LPXN: variants seen among roughly 807,000 people sequenced by gnomAD.
LPXN encodes leupaxin.
LPXN carries 28 observed loss-of-function variants against 45.6 expected under a neutral mutation model. The ratio of observed to expected loss-of-function variants is 0.61; its 90% CI spans 0.45 to 0.84. LPXN has a LOEUF of 0.84. Ranked by LOEUF, LPXN falls within the 40% of genes least tolerant of loss-of-function variation. The probability of loss-of-function intolerance (pLI) is 0.00; values close to 1 mark genes in which losing one functional copy is unlikely to be tolerated. For synonymous variants in LPXN, 166 were observed against 169.9 expected (o/e 0.98, Z 0.18); for missense variants, 459 against 475.0 (o/e 0.97, Z 0.31).
intron 8 of LPXN, 150 bp downstream of exon 8, chr11:58,527,893 C>T (rs539806155): frequency 6.2e-6 from 7 of 1,133,670 alleles, no homozygotes; most frequent in Non-Finnish European, 8.8e-6. Flanking sequence ...AACAGACAAG[C>T]AAATGGATCT....
intron 2 of LPXN, among the ~76,000 whole-genome samples, chr11:58,566,755 T>A (rs1448371526): frequency 6.6e-6 from 1 of 152,230 alleles, no homozygotes; most frequent in Non-Finnish European, 1.5e-5. Flanking sequence ...AAAAGCTGAA[T>A]TTTCATGCTA....
intron 7 of LPXN, among the ~76,000 whole-genome samples, chr11:58,545,098 C>G (rs969179284): frequency 2.0e-5 from 3 of 152,130 alleles, no homozygotes; most frequent in Non-Finnish European, 4.4e-5. Context: ...AAGGAAAATA[C>G]AACCCAAGTG....
At chr11:58,577,883 A>G (rs1439754012), upstream of LPXN, 2 of 1,045,942 alleles carry the variant, frequency 1.9e-6, no homozygotes, top group Non-Finnish European at 2.7e-6. Context: ...AAGCAACTTT[A>G]TAATTCGTTT....
chr11:58,559,822 G>A (rs750758620), intron 3 of LPXN, among the ~76,000 whole-genome samples: 5 of 152,146 alleles, frequency 3.3e-5, no homozygotes, highest in African/African-American at 4.8e-5. Context: ...GCTGCAGTGA[G>A]CCAAGATAAC....
chr11:58,539,112 G>A (rs1436514490), intron 7 of LPXN, among the ~76,000 whole-genome samples: 6 of 152,208 alleles, frequency 3.9e-5, no homozygotes, highest in East Asian at 3.9e-4. Flanking sequence ...TTCGAGACAA[G>A]CCCTGGGCAA....
chr11:58,543,755 T>C (rs945856040), intron 7 of LPXN, among the ~76,000 whole-genome samples: 6 of 152,162 alleles, frequency 3.9e-5, no homozygotes, highest in Non-Finnish European at 8.8e-5. Context: ...TGAGCACAAA[T>C]AGCCCAATAA....
At chr11:58,576,949 T>A (rs1391450587), upstream of LPXN, among the ~76,000 whole-genome samples, 2 of 152,116 alleles carry the variant, frequency 1.3e-5, no homozygotes, top group African/African-American at 4.8e-5. Context: ...CAGGTTAGCT[T>A]AAAAGCTTTA....
intron 1 of LPXN, among the ~76,000 whole-genome samples, chr11:58,572,561 A>C (rs1370167001): frequency 6.6e-6 from 1 of 152,182 alleles, no homozygotes; most frequent in Non-Finnish European, 1.5e-5. Flanking sequence ...CTGGATATTA[A>C]ATAATATCAA....
intron 7 of LPXN, among the ~76,000 whole-genome samples, chr11:58,533,891 A>C (rs1292894670): frequency 6.6e-6 from 1 of 152,252 alleles, no homozygotes; most frequent in African/African-American, 2.4e-5. Context: ...CTGATAAAAA[A>C]GACTTTAAAC....
At chr11:58,578,276 T>G (rs59856964), upstream of LPXN, 3,032 of 467,724 alleles carry the variant, frequency 6.5e-3, 84 homozygotes, top group African/African-American at 0.054. Context: ...AAAGGTAAAC[T>G]CTAGACTGCG....
At chr11:58,528,347 G>C (rs1038445900) in intron 7 of LPXN, among the ~76,000 whole-genome samples, 156 bp from the exon 8 acceptor site, 2 of 152,206 alleles carry the variant, frequency 1.3e-5, no homozygotes, top group Non-Finnish European at 2.9e-5. Flanking sequence ...AAATAAATGA[G>C]ATAATGCAGA....
rs539627310 is a variant in LPXN, at chr11:58,559,349, C to T, written c.219-4409G>A. Among the ~76,000 whole-genome samples the T allele has an allele frequency of 7.9e-5, 12 of 152,058 alleles. 1 individual carries two copies. In the South Asian group the frequency reaches 2.3e-3, roughly 29 times the overall value. The stretch of plus-strand genomic sequence containing the variant: ...GCAATTTTGCTACTAAGAATCTATC[C>T]TACAGAAAAATTGGACATATATATA... On this transcript the variant is annotated intron_variant, in intron 3 of 8. Coordinates refer to ENST00000395074, the MANE Select transcript of LPXN (RefSeq NM_004811.3).
intron 5 of LPXN, 140 bp from the exon 6 acceptor site, chr11:58,550,286 G>T: frequency 1.3e-6 from 1 of 791,552 alleles, no homozygotes; most frequent in Non-Finnish European, 2.1e-6. Flanking sequence ...CTGAGGCCTA[G>T]ACCTAGGTTC....
At position 58,551,109 on chromosome 11, in the gene LPXN, G is replaced by T. The variant is rs12271558; in HGVS notation, c.442C>A (p.Pro148Thr). ...ELQDLGIATVPKGHCASCQKP... is the reference protein window; with the variant it reads ...ELQDLGIATVTKGHCASCQKP... ...TGGCAGGATGCACAATGGCCCTTGG[G>T]CACTGTGGCAATGCCAAGGTCCTGC... Residue 148 changes from proline (P) to threonine (T), a missense_variant, in exon 5 of 9, where the codon CCC becomes ACC. Physicochemically the swap from Pro to Thr is conservative, Grantham distance 38 (BLOSUM62 -1). Coordinates refer to ENST00000395074, the MANE Select transcript of LPXN (RefSeq NM_004811.3). The T allele has an allele frequency of 2.0e-3, 3,209 of 1,605,994 alleles. 70 individuals are homozygous for T. The African/African-American group carries it at 0.039, about 19-fold the overall frequency.
At chr11:58,565,890 C>T (rs1854513937) in intron 2 of LPXN, among the ~76,000 whole-genome samples, 3 of 151,568 alleles carry the variant, frequency 2.0e-5, no homozygotes, top group Non-Finnish European at 2.9e-5. Flanking sequence ...CCCAGCTACT[C>T]GGGAGGCTGA....
intron 3 of LPXN, among the ~76,000 whole-genome samples, chr11:58,561,386 T>G (rs1157720964): frequency 6.6e-6 from 1 of 152,080 alleles, no homozygotes; most frequent in East Asian, 1.9e-4. Flanking sequence ...AAGAGGAAAA[T>G]GGATATCTCT....
upstream of LPXN, among the ~76,000 whole-genome samples, chr11:58,577,326 C>T (rs1248435380): frequency 6.6e-6 from 1 of 152,006 alleles, no homozygotes; most frequent in African/African-American, 2.4e-5. Context: ...GGAAAATACT[C>T]AGTAGAGAAT....
intron 7 of LPXN, among the ~76,000 whole-genome samples, chr11:58,536,857 A>T (rs1350234593): frequency 6.6e-6 from 1 of 152,176 alleles, no homozygotes; most frequent in African/African-American, 2.4e-5. Flanking sequence ...GGATATGAAC[A>T]CACACTTCTC....
At chr11:58,546,766 G>A (rs572125863) in intron 7 of LPXN, among the ~76,000 whole-genome samples, 15 of 152,260 alleles carry the variant, frequency 9.9e-5, no homozygotes, top group Admixed American at 9.8e-4. Flanking sequence ...AAAGACCAGT[G>A]TAAACAAATG....
Sources: allele counts gnomAD v4.1 joint callset (sites outside exome capture counted in the v4.1 genomes callset), GRCh38; gene constraint gnomAD v4.1.1; transcripts MANE v1.5; gene names NCBI Gene and HGNC (gene_info 2026-07-23, HGNC 2026-07-21).